Variants in NOTCH4 observed in about 807,000 individuals in gnomAD.
NOTCH4 encodes the protein neurogenic locus notch homolog protein 4.
A neutral mutation model predicts 189.0 loss-of-function variants in NOTCH4; 138 were observed. The ratio of observed to expected loss-of-function variants is 0.73; its 90% CI spans 0.64 to 0.84. NOTCH4 has a LOEUF of 0.84. Ranked by LOEUF, NOTCH4 falls within the 40% of genes least tolerant of loss-of-function variation. NOTCH4 has a pLI of 0.00. For missense variants in NOTCH4, 2,286 were observed against 2,605.4 expected, an observed-to-expected ratio of 0.88 and a Z score of 2.67; for synonymous variants, 942 against 1,032.8, an observed-to-expected ratio of 0.91 and a Z score of 1.69.
Position 32,204,121 on chromosome 6 carries a change from T to A in NOTCH4, c.3118+16A>T. 1 of 1,611,520 alleles carries A rather than the reference T, an allele frequency of 6.2e-7. No homozygotes were observed. Among genetic ancestry groups the A allele is most frequent in the East Asian group, 2.2e-5 (1 of 44,856 alleles). ...GTGCTCCAGACACACTTGTGCCCCT[T>A]GTCTTGGGGCCTCACCTGTGTGTCC... is the stretch of plus-strand genomic sequence containing the variant. On this transcript the variant is annotated intron_variant, in intron 19 of 29. Transcript: ENST00000375023.
rs752223157 is a variant in NOTCH4, at chr6:32,202,608, G to A, written c.3232-9C>T. On this transcript the variant is annotated splice_polypyrimidine_tract_variant and intron_variant, in intron 20 of 29. Transcript: ENST00000375023. This position sits in a 1 kb window ranked among gnomAD's most constrained non-coding sequence, Gnocchi z 5.7. ...GTGGGGCCTTCAAAACCCTGTGGAGGGGAGGGGAGATATTGGAGATGCAAC... is the reference window on the plus strand; with the variant it reads ...GTGGGGCCTTCAAAACCCTGTGGAGAGGAGGGGAGATATTGGAGATGCAAC... 8.3e-6 allele frequency: 13 copies of A among 1,565,838 alleles called. No individual in the cohort carries two copies. The East Asian group carries it at 2.5e-4, about 30-fold the overall frequency.
chr6:32,214,157 T>C lies in NOTCH4; in HGVS notation c.2120A>G (p.Tyr707Cys). Residue 707 changes from tyrosine (Y) to cysteine (C), a missense_variant, in exon 13 of 30, where the codon TAC becomes TGC. Tyr to Cys is a radical substitution (Grantham distance 194). This residue lies in a region of NOTCH4 where 1,903 missense variants were observed against 2,261.9 expected (regional missense o/e 0.84). Transcript: ENST00000375023. The part of the protein sequence containing the change: ...SAPCAHGGTC[Y>C]PQPSGYNCTC... ...GCAGTTGTAGCCAGAGGGCTGGGGGTAGCAGGTCCCCCCATGGGCACAGGG... is the reference window on the plus strand; with the variant it reads ...GCAGTTGTAGCCAGAGGGCTGGGGGCAGCAGGTCCCCCCATGGGCACAGGG... 1 of 1,613,234 alleles carries C rather than the reference T, an allele frequency of 6.2e-7. No individual in the cohort carries two copies.
intron 17 of NOTCH4, among the ~76,000 whole-genome samples, chr6:32,211,240 A>G (rs1477158574): frequency 2.0e-5 from 3 of 150,520 alleles, no homozygotes; most frequent in African/African-American, 4.9e-5. Flanking sequence ...AGCCTGGGCT[A>G]TAGGGCAAGA....
At chr6:32,209,754 G>T (rs774390974) in intron 18 of NOTCH4, among the ~76,000 whole-genome samples, 2 of 151,908 alleles carry the variant, frequency 1.3e-5, no homozygotes, top group Non-Finnish European at 2.9e-5. Context: ...GTGGTGGCGC[G>T]TTCCTGTAAT....
chr6:32,213,832 A>C lies in NOTCH4; in HGVS notation c.2176T>G (p.Cys726Gly). The stretch of plus-strand genomic sequence containing the variant: ...TGACAAGCTGTCATCTCCTCACTAC[A>C]GGTGGGTCCTGAAGGAAACAGGTGG... Reference protein sequence around the residue: ...TCPTGYTGPTCSEEMTACHSG... With the variant: ...TCPTGYTGPTGSEEMTACHSG... The change falls in exon 14 of 30, where the codon TGT becomes GGT. Residue 726 changes from cysteine to glycine, a missense_variant. Cys to Gly is a radical substitution (Grantham distance 159, BLOSUM62 -3). Around this residue, in one of 2 missense-constraint regions of NOTCH4, gnomAD observed 1,903 missense variants for 2,261.9 expected, o/e 0.84. Transcript: ENST00000375023. The C allele has an allele frequency of 6.2e-7, 1 of 1,611,844 alleles. No individual in the cohort carries two copies. The highest frequency in any genetic ancestry group is 8.5e-7 in the Non-Finnish European group (1 of 1,179,798).
chr6:32,207,307 A>G (rs1788741832), intron 18 of NOTCH4, among the ~76,000 whole-genome samples: 1 of 151,860 alleles, frequency 6.6e-6, no homozygotes, highest in Admixed American at 6.6e-5. Flanking sequence ...GTGCTGGGAA[A>G]ACTGGATATC....
rs771819620 is a variant in NOTCH4, at chr6:32,220,866, G to A, written c.812C>T (p.Pro271Leu). 6 of 1,613,528 alleles carry A rather than the reference G, an allele frequency of 3.7e-6. No individual in the cohort carries two copies. In the South Asian group the frequency reaches 4.4e-5, roughly 12 times the overall value. Residue 271 changes from proline (P) to leucine (L), a missense_variant, in exon 5 of 30, where the codon CCA becomes CTA. By Grantham distance (98) the Pro-to-Leu change is moderately conservative. This residue lies in a region of NOTCH4 where 1,903 missense variants were observed against 2,261.9 expected (regional missense o/e 0.84). Transcript: ENST00000375023. ...GTTGTCTGGATTCACCTCACAGTCTGGGCCTATGAAACCTGACAGGGTCAT... is the reference window on the plus strand; with the variant it reads ...GTTGTCTGGATTCACCTCACAGTCTAGGCCTATGAAACCTGACAGGGTCAT... ...LCLCPPGFIG[P>L]DCEVNPDNCV...
rs1388647413 is a variant in NOTCH4, at chr6:32,196,116, C to T, written c.5333G>A (p.Gly1778Glu). The T allele has an allele frequency of 6.3e-7, 1 of 1,589,644 alleles. No homozygotes were observed. The highest frequency in any genetic ancestry group is 2.3e-5 in the East Asian group (1 of 44,408). Residue 1778 changes from glycine (G) to glutamate (E), a missense_variant, in exon 30 of 30, where the codon GGA becomes GAA. Physicochemically the swap from Gly to Glu is moderately conservative, Grantham distance 98. Coordinates refer to ENST00000375023, the MANE Select transcript of NOTCH4 (RefSeq NM_004557.4). Reference protein sequence around the residue: ...QTPLFLAAREGAVEVAQLLLG... With the variant: ...QTPLFLAAREEAVEVAQLLLG... ...CAGTAGCTGGGCTACTTCCACCGCT[C>T]CTTCCCGCGCCGCCAGGAATAGCGG...
In NOTCH4 at chr6:32,223,087, C is replaced by A. The variant is rs765455599; in HGVS notation, c.74-1G>T. The A allele has an allele frequency of 3.1e-6, 5 of 1,613,446 alleles. No homozygotes were observed. The highest frequency in any genetic ancestry group is 4.2e-6 in the Non-Finnish European group (5 of 1,179,588). Reference sequence around the variant, plus strand: ...TCTGGGAAACTCCCACACAGCAGCCCTGAGGGTGGAGAGGCAGGCGCAATG... The same window carrying A: ...TCTGGGAAACTCCCACACAGCAGCCATGAGGGTGGAGAGGCAGGCGCAATG... On this transcript the variant is annotated splice_acceptor_variant, in intron 1 of 29. Coordinates refer to ENST00000375023, the MANE Select transcript of NOTCH4 (RefSeq NM_004557.4). LOFTEE classifies it high-confidence loss of function.
In NOTCH4 at chr6:32,200,965, G is replaced by A; in HGVS notation, c.4181C>T (p.Pro1394Leu). Residue 1394 changes from proline to leucine, a missense_variant, in exon 23 of 30, where the codon CCT becomes CTT. Physicochemically the swap from Pro to Leu is moderately conservative, Grantham distance 98. This residue lies in a region of NOTCH4 where 1,903 missense variants were observed against 2,261.9 expected (regional missense o/e 0.84). Transcript: ENST00000375023. This position sits in a 1 kb window ranked among gnomAD's most constrained non-coding sequence, Gnocchi z 5.0. ...GGGACAGCGGGATGCCGGGTGGTCA[G>A]GGCCACAGCGGGACAAATCCACACC... ...VMGVDLSRCG[P>L]DHPASRCPWD... 1 of 1,595,630 alleles carries A rather than the reference G, an allele frequency of 6.3e-7. No individual in the cohort carries two copies. The highest frequency in any genetic ancestry group is 1.1e-5 in the South Asian group (1 of 87,936).
In NOTCH4 at chr6:32,198,087, C is replaced by T. The variant is rs1025235953; in HGVS notation, c.4756+334G>A. Among the ~76,000 whole-genome samples the T allele has an allele frequency of 6.6e-6, 1 of 152,236 alleles. No individual in the cohort carries two copies. Among genetic ancestry groups the T allele is most frequent in the African/African-American group, 2.4e-5 (1 of 41,464 alleles). On this transcript the variant is annotated intron_variant, in intron 26 of 29. Transcript: ENST00000375023. The surrounding 1 kb of genome is among the most constrained non-coding windows in gnomAD (Gnocchi z 5.5). ...CCACCCGCCTTGGCCTCCCAAAGTG[C>T]TGGGATTACAGGCGTGAGCCACCAC... is the stretch of plus-strand genomic sequence containing the variant.
chr6:32,201,590 C>T lies in NOTCH4; in HGVS notation c.3756-90G>A, dbSNP rs1788358416. ...AAGAATTCCCCATATTTTGTGCCCT[C>T]TAGGGCTTTGGTTGCTAAGTGGGGG... On this transcript the variant is annotated intron_variant, in intron 21 of 29. Transcript: ENST00000375023. The surrounding 1 kb of genome is among the most constrained non-coding windows in gnomAD (Gnocchi z 5.5). 2 of 1,343,174 alleles carry T rather than the reference C, an allele frequency of 1.5e-6. 1 individual carries two copies. The highest frequency in any genetic ancestry group is 3.9e-5 in the South Asian group (2 of 51,634). 83.2% of individuals were successfully genotyped at this position (1,343,174 alleles called of 1,614,324 possible). A position where few individuals can be genotyped will look rare whatever the true frequency, so the allele number is the denominator to read the frequency against.
Position 32,200,757 on chromosome 6 carries a change from C to T in NOTCH4, c.4315+74G>A. 7.9e-7 allele frequency: 1 copy of T among 1,265,892 alleles called. No individual in the cohort carries two copies. The highest frequency in any genetic ancestry group is 1.1e-6 in the Non-Finnish European group (1 of 925,986). 78.4% of individuals were successfully genotyped at this position (1,265,892 alleles called of 1,614,324 possible). A position where few individuals can be genotyped will look rare whatever the true frequency, so the allele number is the denominator to read the frequency against. On this transcript the variant is annotated intron_variant, in intron 23 of 29. Transcript: ENST00000375023. This position sits in a 1 kb window ranked among gnomAD's most constrained non-coding sequence, Gnocchi z 5.0. Reference sequence around the variant, plus strand: ...GTCTCAGCTGTCCTGTTTGATTCAGCCTCCATTGCCTGTTGCTAGCATGAG... The same window carrying T: ...GTCTCAGCTGTCCTGTTTGATTCAGTCTCCATTGCCTGTTGCTAGCATGAG...
chr6:32,213,313 G>C, intron 14 of NOTCH4, 61 bp from the exon 15 acceptor site: 1 of 1,144,314 alleles, frequency 8.7e-7, no homozygotes, highest in South Asian at 1.3e-5. Context: ...TGTGACCTCA[G>C]TCACACTGTA....
chr6:32,201,933 C>CCCCTGTTTAGTG lies in NOTCH4; in HGVS notation c.3755+131_3755+142dup. 1 of 732,742 alleles carries CCCCTGTTTAGTG rather than the reference C, an allele frequency of 1.4e-6. No individual in the cohort carries two copies. The highest frequency in any genetic ancestry group is 1.9e-6 in the Non-Finnish European group (1 of 513,542). The allele number at this position is 732,742 out of a possible 1,614,324, so 45.4% of individuals were successfully genotyped here. On this transcript the variant is annotated intron_variant, in intron 21 of 29. Coordinates refer to ENST00000375023, the MANE Select transcript of NOTCH4 (RefSeq NM_004557.4). This position sits in a 1 kb window ranked among gnomAD's most constrained non-coding sequence, Gnocchi z 5.5. ...CTAGGTTGGAGTCCAGAGTCTTCGA[C>CCCCTGTTTAGTG]CCCTGTTTAGTGATGGTTATTAGGG...
Position 32,218,099 on chromosome 6 carries a change from C to T in NOTCH4, c.1520G>A (p.Gly507Glu), listed in dbSNP as rs751643187. 5 of 1,609,222 alleles carry T rather than the reference C, an allele frequency of 3.1e-6. No individual in the cohort carries two copies. Among genetic ancestry groups the T allele is most frequent in the South Asian group, 1.1e-5 (1 of 90,462 alleles). The change falls in exon 9 of 30, where the codon GGG becomes GAG. Residue 507 changes from glycine (G) to glutamate (E), a missense_variant. Physicochemically the swap from Gly to Glu is moderately conservative, Grantham distance 98. Coordinates refer to ENST00000375023, the MANE Select transcript of NOTCH4 (RefSeq NM_004557.4). ...FHCLCPPGLE[G>E]QLCEVETNEC... Reference sequence around the variant, plus strand: ...GTTGGTCTCCACCTCACAGAGCTGCCCTTCTAAGCCTGGGGACATGGGGAC... The same window carrying T: ...GTTGGTCTCCACCTCACAGAGCTGCTCTTCTAAGCCTGGGGACATGGGGAC...
chr6:32,218,859 A>G (rs1342529988), intron 8 of NOTCH4, among the ~76,000 whole-genome samples: 1 of 152,170 alleles, frequency 6.6e-6, no homozygotes, highest in Non-Finnish European at 1.5e-5. Context: ...CAGCTCTGCC[A>G]CTTGCTAGCT....
intron 18 of NOTCH4, among the ~76,000 whole-genome samples, chr6:32,209,916 A>C (rs1262568806): frequency 2.6e-5 from 4 of 151,928 alleles, no homozygotes; most frequent in African/African-American, 9.7e-5. Context: ...GAAACCAAAA[A>C]ACTCACATGT....
In NOTCH4 at chr6:32,201,520, G is replaced by T; in HGVS notation, c.3756-20C>A. The T allele has an allele frequency of 6.9e-7, 1 of 1,452,050 alleles. No individual in the cohort carries two copies. The allele number at this position is 1,452,050 out of a possible 1,614,324, so 89.9% of individuals were successfully genotyped here. On this transcript the variant is annotated intron_variant, in intron 21 of 29. Coordinates refer to ENST00000375023, the MANE Select transcript of NOTCH4 (RefSeq NM_004557.4). The surrounding 1 kb of genome is among the most constrained non-coding windows in gnomAD (Gnocchi z 5.5). ...GCTGGACTGTGGGGTAAGGAGAGGG[G>T]GACTCAGGACCTCCCTAAAACCTGA... is the stretch of plus-strand genomic sequence containing the variant.
Sources: allele counts gnomAD v4.1 joint callset (sites outside exome capture counted in the v4.1 genomes callset), GRCh38; gene constraint gnomAD v4.1.1; regional missense constraint gnomAD v4.1.1; non-coding constraint Gnocchi (gnomAD v3.1); transcripts MANE v1.5; gene names NCBI Gene and HGNC (gene_info 2026-07-23, HGNC 2026-07-21).